Variants in DCP2 observed in about 807,000 individuals in gnomAD.
DCP2 encodes m7GpppN-mRNA hydrolase.
DCP2 carries 30 observed loss-of-function variants against 56.1 expected under a neutral mutation model. The observed-to-expected ratio is 0.53, with a 90% CI of 0.40 to 0.73. The LOEUF is 0.73. Ranked by LOEUF, DCP2 falls within the 30% of genes least tolerant of loss-of-function variation. The pLI, the probability that DCP2 is intolerant of heterozygous loss-of-function variation, is 0.00. For missense variants in DCP2, 533 were observed against 502.7 expected, an observed-to-expected ratio of 1.06 and a Z score of -0.58; for synonymous variants, 197 against 163.3, an observed-to-expected ratio of 1.21 and a Z score of -1.57.
At chr5:112,980,878 A>C (rs1225854012) in intron 1 of DCP2, among the ~76,000 whole-genome samples, 1 of 151,668 alleles carries the variant, frequency 6.6e-6, no homozygotes, top group Non-Finnish European at 1.5e-5. Flanking sequence ...TTGTTTTATC[A>C]ACTTTCTATA....
chr5:112,996,713 T>C (rs918497676), intron 4 of DCP2, among the ~76,000 whole-genome samples: 12 of 151,862 alleles, frequency 7.9e-5, no homozygotes, highest in African/African-American at 2.9e-4. Flanking sequence ...TTAGCAGACC[T>C]TTTTTTTGGG....
chr5:112,984,030 AAAAG>A (rs1476125493), intron 1 of DCP2: 4 of 152,248 alleles, frequency 2.6e-5, no homozygotes, highest in African/African-American at 9.6e-5. Context: ...GATGAAAACA[AAAAG>A]ACAAGACACA....
intron 4 of DCP2, among the ~76,000 whole-genome samples, chr5:112,994,649 G>T (rs1748766218): frequency 1.3e-5 from 2 of 152,152 alleles, no homozygotes; most frequent in Admixed American, 1.3e-4. Context: ...AATTTATCAT[G>T]TATCACACAA....
rs1385088576 is a variant in DCP2, at chr5:113,015,707, G to T, written c.*2223G>T. On this transcript the variant is annotated 3_prime_UTR_variant, in exon 11 of 11. Transcript: ENST00000389063. The stretch of plus-strand genomic sequence containing the variant: ...GTGAGTTAAAGTTTATGTGTGTGAT[G>T]TGACTTAACTATGCAGAAAATATTT... The T allele has an allele frequency of 6.6e-6, 1 of 152,664 alleles. No individual in the cohort carries two copies. 9.5% of individuals were successfully genotyped at this position (152,664 alleles called of 1,614,324 possible).
At position 113,010,814 on chromosome 5, in the gene DCP2, C is replaced by T. The variant is rs1287902451; in HGVS notation, c.1099+7C>T. The T allele has an allele frequency of 1.9e-6, 3 of 1,597,320 alleles. No individual in the cohort carries two copies. The East Asian group carries it at 6.7e-5, about 36-fold the overall frequency. On this transcript the variant is annotated splice_region_variant and intron_variant, in intron 10 of 10. Coordinates refer to ENST00000389063, the MANE Select transcript of DCP2 (RefSeq NM_152624.6). The stretch of plus-strand genomic sequence containing the variant: ...CAGGATAATTTTGAAACAGGCAAGT[C>T]ATTTCCTATCTTTTTATAATCTCTG...
intron 1 of DCP2, among the ~76,000 whole-genome samples, chr5:112,983,528 A>G (rs532217455): frequency 1.3e-5 from 2 of 152,344 alleles, no homozygotes; most frequent in African/African-American, 2.4e-5. Flanking sequence ...CAGTATAGAA[A>G]CATAAAGACT....
intron 1 of DCP2, among the ~76,000 whole-genome samples, 187 bp downstream of exon 1, chr5:112,977,173 GT>G (rs754490761): frequency 3.3e-5 from 5 of 151,956 alleles, no homozygotes; most frequent in Non-Finnish European, 7.4e-5. Context: ...CAGCCTCCCT[GT>G]TTCTCAAGGC....
At chr5:112,992,395 C>A in intron 3 of DCP2, 147 bp downstream of exon 3, 1 of 1,129,198 alleles carries the variant, frequency 8.9e-7, no homozygotes, top group Non-Finnish European at 1.2e-6. Flanking sequence ...TATATTTTAT[C>A]CGCATGCTAT....
At chr5:112,977,050 G>A in intron 1 of DCP2, 64 bp downstream of exon 1, 1 of 1,344,862 alleles carries the variant, frequency 7.4e-7, no homozygotes, top group Non-Finnish European at 1.0e-6. Context: ...GACCCCCAGA[G>A]GCCTCTGGGT....
intron 7 of DCP2, 37 bp downstream of exon 7, chr5:113,001,711 T>TA: frequency 6.3e-7 from 1 of 1,576,176 alleles, no homozygotes. Context: ...GATTTTCTAA[T>TA]AGTTTTTAAA....
chr5:112,990,752 G>C (rs568371147), intron 2 of DCP2, among the ~76,000 whole-genome samples: 2 of 152,208 alleles, frequency 1.3e-5, no homozygotes, highest in South Asian at 4.1e-4. Context: ...AAATTACAGT[G>C]TTGTTATATA....
intron 9 of DCP2, among the ~76,000 whole-genome samples, chr5:113,009,940 CAG>C (rs1424714460): frequency 3.7e-5 from 5 of 134,210 alleles, no homozygotes; most frequent in African/African-American, 5.7e-5. Context: ...TTTTTTGAGA[CAG>C]GGTCTCGCTC....
chr5:113,000,080 A>AG lies in DCP2; in HGVS notation c.433-1004_433-1003insG, dbSNP rs1404214311. 2.5e-4 allele frequency among the ~76,000 whole-genome samples: 37 copies of AG among 150,504 alleles called. No individual in the cohort carries two copies. The South Asian group carries it at 4.8e-3, about 20-fold the overall frequency. Reference sequence around the variant, plus strand: ...CCATCTCAAAAAAAAAAAAAAAAAAAAAGAAGAAGAAAAACAGGGGTATAC... The same window carrying AG: ...CCATCTCAAAAAAAAAAAAAAAAAAAGAAGAAGAAGAAAAACAGGGGTATAC... On this transcript the variant is annotated intron_variant, in intron 4 of 10. Transcript: ENST00000389063.
chr5:113,002,661 A>G (rs1490490277), intron 7 of DCP2, among the ~76,000 whole-genome samples: 1 of 152,058 alleles, frequency 6.6e-6, no homozygotes, highest in African/African-American at 2.4e-5. Context: ...CTGGGAACAC[A>G]GGCAGATGCC....
At position 112,984,691 on chromosome 5, in the gene DCP2, A is replaced by ATATATAT. The variant is rs1561685051; in HGVS notation, c.54-1144_54-1143insTATATAT. ...TGTTGTTTTTATTTCTTAATTAAAA[A>ATATATAT]AAAAAAAAAAAAATATATATATATA... On this transcript the variant is annotated intron_variant, in intron 1 of 10. Transcript: ENST00000389063. 6.5e-4 allele frequency: 46 copies of ATATATAT among 70,280 alleles called. 2 individuals are homozygous for ATATATAT. The highest frequency in any genetic ancestry group is 3.3e-3 in the African/African-American group (45 of 13,688). 4.4% of individuals were successfully genotyped at this position (70,280 alleles called of 1,614,324 possible). A position where few individuals can be genotyped will look rare whatever the true frequency, so the allele number is the denominator to read the frequency against.
chr5:112,992,733 A>G lies in DCP2; in HGVS notation c.395A>G (p.Asn132Ser). 6.3e-7 allele frequency: 1 copy of G among 1,592,234 alleles called. No individual in the cohort carries two copies. Among genetic ancestry groups the G allele is most frequent in the Non-Finnish European group, 8.5e-7 (1 of 1,174,540 alleles). Reference protein sequence around the residue: ...SGWGFPKGKVNKEEAPHDCAA... With the variant: ...SGWGFPKGKVSKEEAPHDCAA... Reference sequence around the variant, plus strand: ...TGGGGATTTCCAAAAGGAAAAGTAAATAAAGAAGAAGCTCCTCATGATTGT... The same window carrying G: ...TGGGGATTTCCAAAAGGAAAAGTAAGTAAAGAAGAAGCTCCTCATGATTGT... Residue 132 changes from asparagine to serine, a missense_variant, in exon 4 of 11, where the codon AAT becomes AGT. Coordinates refer to ENST00000389063, the MANE Select transcript of DCP2 (RefSeq NM_152624.6).
rs899571579 is a variant in DCP2, at chr5:113,022,007, T to G, written c.*8523T>G. The G allele has an allele frequency of 6.6e-6, 1 of 152,240 alleles. No individual in the cohort carries two copies. Among genetic ancestry groups the G allele is most frequent in the African/African-American group, 2.4e-5 (1 of 41,458 alleles). The allele number at this position is 152,240 out of a possible 1,614,324, so 9.4% of individuals were successfully genotyped here. A position where few individuals can be genotyped will look rare whatever the true frequency, so the allele number is the denominator to read the frequency against. ...CCCTGCTTTGACTAGGGCTCTTGAT[T>G]TCATGTAAGCATCATGGATTTGATA... On this transcript the variant is annotated 3_prime_UTR_variant, in exon 11 of 11. Transcript: ENST00000389063.
intron 7 of DCP2, among the ~76,000 whole-genome samples, chr5:113,002,149 A>G (rs1324089738): frequency 6.6e-6 from 1 of 152,160 alleles, no homozygotes; most frequent in Non-Finnish European, 1.5e-5. Context: ...CCAGCAAGGG[A>G]CAGTGGCTCA....
chr5:113,010,207 ATTT>A (rs766144641), intron 9 of DCP2, among the ~76,000 whole-genome samples: 7 of 117,894 alleles, frequency 5.9e-5, no homozygotes, highest in Admixed American at 1.8e-4. Flanking sequence ...TAATTCTTGT[ATTT>A]TTTTTTTTTT....
Sources: gnomAD v4.1 joint callset for allele counts (sites outside exome capture counted in the v4.1 genomes callset) on GRCh38, gnomAD v4.1.1 for gene constraint, MANE v1.5 for transcripts, NCBI Gene and HGNC (gene_info 2026-07-23, HGNC 2026-07-21) for gene names.